AKAP19: variants seen among roughly 807,000 people sequenced by gnomAD.
The protein encoded by AKAP19 is small A-kinase anchoring protein.
chr2:189,988,851 C>T, the AKAP19 span, among the ~76,000 whole-genome samples: 2 of 152,192 alleles, frequency 1.3e-5, no homozygotes, highest in South Asian at 2.1e-4. Context: ...GACAGAAGTT[C>T]TTTGTGCAAC....
the AKAP19 span, among the ~76,000 whole-genome samples, chr2:190,044,906 G>A: frequency 6.6e-6 from 1 of 152,210 alleles, no homozygotes; most frequent in Non-Finnish European, 1.5e-5. Flanking sequence ...ACCCTGGTTG[G>A]TAGGTCTCAC....
At chr2:190,133,926 G>T in the AKAP19 span, among the ~76,000 whole-genome samples, 2 of 152,138 alleles carry the variant, frequency 1.3e-5, no homozygotes, top group East Asian at 1.9e-4. Context: ...GTACATTATG[G>T]TGATTGTATT....
chr2:190,115,095 G>A, the AKAP19 span, among the ~76,000 whole-genome samples: 2 of 147,750 alleles, frequency 1.4e-5, no homozygotes, highest in Non-Finnish European at 3.0e-5. Flanking sequence ...CTAGGCTTTG[G>A]CTTATGGGGG....
At chr2:190,035,347 C>G in the AKAP19 span, among the ~76,000 whole-genome samples, 11 of 152,112 alleles carry the variant, frequency 7.2e-5, no homozygotes, top group Admixed American at 7.2e-4. Flanking sequence ...AGGAGAATTG[C>G]TTGAACCCGG....
chr2:190,060,780 C>T, the AKAP19 span, among the ~76,000 whole-genome samples: 14 of 151,902 alleles, frequency 9.2e-5, no homozygotes, highest in Non-Finnish European at 1.6e-4. Context: ...GGAGGAACAA[C>T]CACTTAGAAT....
chr2:189,886,570 A>G, the AKAP19 span, among the ~76,000 whole-genome samples: 3 of 152,334 alleles, frequency 2.0e-5, no homozygotes, highest in Admixed American at 2.0e-4. Context: ...AAATAACCAT[A>G]ATAAACCAAT....
the AKAP19 span, among the ~76,000 whole-genome samples, chr2:190,172,859 T>C: frequency 6.6e-6 from 1 of 152,180 alleles, no homozygotes; most frequent in South Asian, 2.1e-4. Context: ...ACGCCTGGAA[T>C]CCCAGCACTT....
chr2:190,164,469 G>T, the AKAP19 span, among the ~76,000 whole-genome samples: 1 of 152,164 alleles, frequency 6.6e-6, no homozygotes, highest in Non-Finnish European at 1.5e-5. Context: ...GGTGGAGGTT[G>T]CAGTGAACTA....
the AKAP19 span, among the ~76,000 whole-genome samples, chr2:190,111,258 T>G: frequency 6.6e-6 from 1 of 152,120 alleles, no homozygotes; most frequent in East Asian, 1.9e-4. Context: ...AAACAAAACT[T>G]GTGTTGGAAC....
the AKAP19 span, among the ~76,000 whole-genome samples, chr2:190,156,666 C>T: frequency 6.6e-6 from 1 of 152,108 alleles, no homozygotes; most frequent in Non-Finnish European, 1.5e-5. Context: ...AAATCATGCG[C>T]AGCCTTGCTG....
At chr2:190,184,829 G>GT in the AKAP19 span, among the ~76,000 whole-genome samples, 7,361 of 152,184 alleles carry the variant, frequency 0.048, 601 homozygotes, top group African/African-American at 0.17. Context: ...AAATTTCCTT[G>GT]TATTAGTGAG....
At chr2:190,050,581 GAATT>G in the AKAP19 span, among the ~76,000 whole-genome samples, 1 of 152,160 alleles carries the variant, frequency 6.6e-6, no homozygotes, top group Non-Finnish European at 1.5e-5. Context: ...TCATTAGTGA[GAATT>G]AATAATGTGG....
chr2:190,053,561 T>C, the AKAP19 span, among the ~76,000 whole-genome samples: 3 of 152,322 alleles, frequency 2.0e-5, no homozygotes, highest in Admixed American at 1.3e-4. Flanking sequence ...TAGTTTGCTT[T>C]GATACGTTTT....
chr2:189,923,839 A>G, the AKAP19 span: 1 of 1,610,606 alleles, frequency 6.2e-7, no homozygotes, highest in Non-Finnish European at 8.5e-7. Flanking sequence ...GACAGCGGGG[A>G]TCTTCCAAGT....
At chr2:190,130,847 T>C in the AKAP19 span, among the ~76,000 whole-genome samples, 3 of 152,170 alleles carry the variant, frequency 2.0e-5, no homozygotes, top group East Asian at 1.9e-4. Context: ...GGAAAACTCA[T>C]TGTTTCTTTA....
At chr2:189,898,464 T>A in the AKAP19 span, among the ~76,000 whole-genome samples, 1 of 152,186 alleles carries the variant, frequency 6.6e-6, no homozygotes, top group Non-Finnish European at 1.5e-5. Context: ...TTTTCTCTCA[T>A]CCACACATTA....
chr2:190,008,730 GCACACACACA>G, the AKAP19 span, among the ~76,000 whole-genome samples: 3,376 of 120,670 alleles, frequency 0.028, 145 homozygotes, highest in East Asian at 0.21. Context: ...ATGTGCACGT[GCACACACACA>G]CACACACACA....
the AKAP19 span, among the ~76,000 whole-genome samples, chr2:190,040,000 T>C: frequency 2.0e-5 from 3 of 152,238 alleles, no homozygotes; most frequent in Non-Finnish European, 4.4e-5. Context: ...GCATGTATCT[T>C]TATGGTAGAA....
chr2:190,166,744 A>C, the AKAP19 span, among the ~76,000 whole-genome samples: 1 of 152,224 alleles, frequency 6.6e-6, no homozygotes, highest in South Asian at 2.1e-4. Context: ...AACTAGGAAT[A>C]GAATGGGACT....
Sources: gnomAD v4.1 joint callset for allele counts (sites outside exome capture counted in the v4.1 genomes callset) on GRCh38, gnomAD v4.1.1 for gene constraint, MANE v1.5 for transcripts, NCBI Gene and HGNC (gene_info 2026-07-23, HGNC 2026-07-21) for gene names.